The following TRIM55 variants were observed in gnomAD, a reference collection of about 807,000 sequenced individuals.
The protein encoded by TRIM55 is tripartite motif-containing protein 55.
In TRIM55, 50 loss-of-function variants were observed where a neutral mutation model predicts 60.9. The ratio of observed to expected loss-of-function variants is 0.82; its 90% confidence interval spans 0.65 to 1.04. The LOEUF (loss-of-function observed/expected upper bound fraction) is 1.04. Among genes scored for constraint, TRIM55 ranks in the 50% least tolerant of loss-of-function variants. The pLI, the probability that TRIM55 is intolerant of heterozygous loss-of-function variation, is 0.00. For missense variants in TRIM55, 681 were observed against 666.9 expected, an observed-to-expected ratio of 1.02 and a Z score of -0.23; for synonymous variants, 237 against 238.1, an observed-to-expected ratio of 1.00 and a Z score of 0.04.
At chr8:66,157,983 A>G (rs1181222901) in intron 9 of TRIM55, among the ~76,000 whole-genome samples, 1 of 152,144 alleles carries the variant, frequency 6.6e-6, no homozygotes, top group African/African-American at 2.4e-5. Context: ...AGAAAAAGCA[A>G]GGTTTGGATT....
intron 4 of TRIM55, among the ~76,000 whole-genome samples, 156 bp from the exon 5 acceptor site, chr8:66,149,489 A>T (rs139550238): frequency 1.5e-3 from 222 of 152,344 alleles, no homozygotes; most frequent in African/African-American, 5.2e-3. Context: ...CCAAAGCACC[A>T]ACATAGTGGG....
At position 66,150,198 on chromosome 8, in the gene TRIM55, C is replaced by T. The variant is rs1810331779; in HGVS notation, c.838-19C>T. Reference sequence around the variant, plus strand: ...GTGGAAATAATTTAAGTAAGACTATCTTTTGTTTGCTTTCACAGAATGCCA... The same window carrying T: ...GTGGAAATAATTTAAGTAAGACTATTTTTTGTTTGCTTTCACAGAATGCCA... On this transcript the variant is annotated intron_variant, in intron 5 of 9. Transcript: ENST00000315962. 2 of 1,611,168 alleles carry T rather than the reference C, an allele frequency of 1.2e-6. No homozygotes were observed. Among genetic ancestry groups the T allele is most frequent in the African/African-American group, 2.7e-5 (2 of 74,782 alleles).
At chr8:66,138,980 A>G (rs1809645573) in intron 4 of TRIM55, among the ~76,000 whole-genome samples, 1 of 152,340 alleles carries the variant, frequency 6.6e-6, no homozygotes, top group Admixed American at 6.5e-5. Context: ...AAATTTGCAC[A>G]CTATTAAAAT....
chr8:66,127,420 C>T lies in TRIM55; in HGVS notation c.152C>T (p.Ala51Val), dbSNP rs770818540. The T allele has an allele frequency of 1.2e-6, 2 of 1,613,854 alleles. No homozygotes were observed. The highest frequency in any genetic ancestry group is 1.7e-6 in the Non-Finnish European group (2 of 1,179,882). Residue 51 changes from alanine to valine, a missense_variant, in exon 1 of 10, where the codon GCC becomes GTC. Physicochemically the swap from Ala to Val is moderately conservative, Grantham distance 64 (BLOSUM62 0). Transcript: ENST00000315962. ...CAGCACAACCTGTGTAGGAAATGTGCCAGTGATATTTTCCAGGTAGGTTTG... is the reference window on the plus strand; with the variant it reads ...CAGCACAACCTGTGTAGGAAATGTGTCAGTGATATTTTCCAGGTAGGTTTG... ...PCQHNLCRKC[A>V]SDIFQASNPY...
chr8:66,113,571 C>T, the TRIM55 span: 1 of 456,312 alleles, frequency 2.2e-6, no homozygotes, highest in Non-Finnish European at 4.4e-6. Context: ...CGCTTTCTCC[C>T]CATTTTGGGC....
At chr8:66,164,132 G>A (rs1227875050) in intron 9 of TRIM55, among the ~76,000 whole-genome samples, 35 of 152,044 alleles carry the variant, frequency 2.3e-4, no homozygotes, top group Admixed American at 2.2e-3. Context: ...AAAGACAGGG[G>A]TGGGGCACCT....
intron 2 of TRIM55, among the ~76,000 whole-genome samples, chr8:66,133,249 C>T (rs1217961186): frequency 6.6e-6 from 1 of 152,188 alleles, no homozygotes; most frequent in African/African-American, 2.4e-5. Context: ...CATGCCTTCT[C>T]CAGCTGGGTG....
In TRIM55 at chr8:66,137,193, G is replaced by C; in HGVS notation, c.603+3G>C. On this transcript the variant is annotated splice_donor_region_variant and intron_variant, in intron 4 of 9. Transcript: ENST00000315962. ...AAGACACCTGCAAAACTATCGAGGT[G>C]AGTCAGGTGACTCCCACAGCGTCTC... The C allele has an allele frequency of 1.2e-6, 2 of 1,613,134 alleles. No homozygotes were observed. The highest frequency in any genetic ancestry group is 1.7e-6 in the Non-Finnish European group (2 of 1,179,314).
At chr8:66,127,571 A>T in intron 1 of TRIM55, 135 bp downstream of exon 1, 3 of 1,007,506 alleles carry the variant, frequency 3.0e-6, no homozygotes, top group Non-Finnish European at 4.4e-6. Context: ...TCACGCCTGT[A>T]GTCCCAGCAC....
chr8:66,135,296 A>C, intron 3 of TRIM55, 141 bp downstream of exon 3: 1 of 833,122 alleles, frequency 1.2e-6, no homozygotes, highest in Non-Finnish European at 2.0e-6. Flanking sequence ...GAGGGCACAC[A>C]AGGTCTGCAG....
chr8:66,143,373 G>A lies in TRIM55; in HGVS notation c.603+6183G>A, dbSNP rs192396740. Among the ~76,000 whole-genome samples the A allele has an allele frequency of 7.9e-5, 12 of 152,320 alleles. No individual in the cohort carries two copies. In the East Asian group the frequency reaches 2.1e-3, roughly 27 times the overall value. On this transcript the variant is annotated intron_variant, in intron 4 of 9. Coordinates refer to ENST00000315962, the MANE Select transcript of TRIM55 (RefSeq NM_184085.2). ...ACACAAGACTTGCCAGGAACAGAGG[G>A]AAGCACATCATAGCCTAATGACTCT...
chr8:66,140,786 C>T (rs540600057), intron 4 of TRIM55, among the ~76,000 whole-genome samples: 17 of 152,322 alleles, frequency 1.1e-4, no homozygotes, highest in South Asian at 4.1e-4. Flanking sequence ...TGGTTCTGCC[C>T]GGGGTTCGTT....
intron 1 of TRIM55, 129 bp downstream of exon 1, chr8:66,127,565 G>A (rs1053505219): frequency 5.2e-5 from 55 of 1,067,542 alleles, no homozygotes; most frequent in Non-Finnish European, 6.7e-5. Flanking sequence ...TTTGGCTCAC[G>A]CCTGTAGTCC....
chr8:66,147,094 A>G (rs1810133723), intron 4 of TRIM55, among the ~76,000 whole-genome samples: 2 of 152,210 alleles, frequency 1.3e-5, no homozygotes, highest in Non-Finnish European at 2.9e-5. Context: ...AATCTCTAAA[A>G]TATTTACATT....
chr8:66,156,326 GTGAGACC>G (rs1563385729), intron 9 of TRIM55, among the ~76,000 whole-genome samples: 1 of 152,158 alleles, frequency 6.6e-6, no homozygotes, highest in Non-Finnish European at 1.5e-5. Flanking sequence ...TTGCAGCCAC[GTGAGACC>G]TGAATGAATT....
At position 66,127,416 on chromosome 8, in the gene TRIM55, T is replaced by C; in HGVS notation, c.148T>C (p.Cys50Arg). ...LPCQHNLCRK[C>R]ASDIFQASNP... ...TTGTCAGCACAACCTGTGTAGGAAA[T>C]GTGCCAGTGATATTTTCCAGGTAGG... Residue 50 changes from cysteine to arginine, a missense_variant, in exon 1 of 10, where the codon TGT (cysteine) becomes CGT (arginine). Transcript: ENST00000315962. 1 of 1,613,928 alleles carries C rather than the reference T, an allele frequency of 6.2e-7. No homozygotes were observed. The highest frequency in any genetic ancestry group is 8.5e-7 in the Non-Finnish European group (1 of 1,179,936).
chr8:66,157,179 G>A (rs1810790604), intron 9 of TRIM55, among the ~76,000 whole-genome samples: 1 of 152,176 alleles, frequency 6.6e-6, no homozygotes, highest in South Asian at 2.1e-4. Context: ...TGTCATGTAT[G>A]CTGACATCCA....
chr8:66,118,066 G>A, the TRIM55 span, among the ~76,000 whole-genome samples: 3 of 150,048 alleles, frequency 2.0e-5, no homozygotes, highest in African/African-American at 7.4e-5. Flanking sequence ...CTGCTCGGGA[G>A]GCTGAAGCAG....
chr8:66,138,641 G>A (rs557049878), intron 4 of TRIM55, among the ~76,000 whole-genome samples: 6 of 152,070 alleles, frequency 3.9e-5, no homozygotes, highest in Admixed American at 1.3e-4. Context: ...TGCCCGCCTC[G>A]GACTCCCAAA....
Sources: gnomAD v4.1 joint callset for allele counts (sites outside exome capture counted in the v4.1 genomes callset) on GRCh38, gnomAD v4.1.1 for gene constraint, MANE v1.5 for transcripts, NCBI Gene and HGNC (gene_info 2026-07-23, HGNC 2026-07-21) for gene names.